CSMD3: variants seen among roughly 807,000 people sequenced by gnomAD.
CSMD3 encodes the protein CUB and Sushi multiple domains 3.
In CSMD3, 177 loss-of-function variants were observed where a neutral mutation model predicts 435.2. The ratio of observed to expected loss-of-function variants is 0.41; its 90% CI spans 0.36 to 0.46. The LOEUF is 0.46. CSMD3 is among the 20% of genes least tolerant of loss of function. The pLI, the probability that CSMD3 is intolerant of heterozygous loss-of-function variation, is 0.34. For synonymous variants in CSMD3, 1,656 were observed against 1,520.5 expected (o/e 1.09, Z -2.07); for missense variants, 4,265 against 4,504.6 (o/e 0.95, Z 1.52).
intron 5 of CSMD3, among the ~76,000 whole-genome samples, chr8:113,021,921 G>A (rs1262539027): frequency 6.6e-6 from 1 of 152,136 alleles, no homozygotes. Context: ...CCTTAGATAA[G>A]CCAAGAAACT....
rs187575537 is a variant in CSMD3, at chr8:112,378,648, G to C, written c.6136+1704C>G. On this transcript the variant is annotated intron_variant, in intron 38 of 70. Transcript: ENST00000297405. Reference sequence around the variant, plus strand: ...AGGTAGAGTAGAATGATGATTACCAGAGGCTGACTTGGAAGGCAGGGATGA... The same window carrying C: ...AGGTAGAGTAGAATGATGATTACCACAGGCTGACTTGGAAGGCAGGGATGA... Among the ~76,000 whole-genome samples the C allele has an allele frequency of 4.1e-4, 63 of 152,280 alleles. 1 individual carries two copies. The highest frequency in any genetic ancestry group is 4.1e-3 in the Admixed American group (62 of 15,276).
At chr8:112,540,661 G>A (rs907424325) in intron 27 of CSMD3, among the ~76,000 whole-genome samples, 3 of 151,936 alleles carry the variant, frequency 2.0e-5, no homozygotes, top group African/African-American at 4.8e-5. Flanking sequence ...ATTATGTTAC[G>A]TGAAATAAGC....
chr8:113,245,526 A>G (rs1366146809), intron 3 of CSMD3, among the ~76,000 whole-genome samples: 1 of 152,086 alleles, frequency 6.6e-6, no homozygotes, highest in African/African-American at 2.4e-5. Flanking sequence ...AAACTTTAAT[A>G]TATGCCATCT....
At chr8:112,665,096 A>G (rs2075488831) in intron 17 of CSMD3, among the ~76,000 whole-genome samples, 2 of 152,150 alleles carry the variant, frequency 1.3e-5, no homozygotes. Flanking sequence ...GTGTCATCCA[A>G]TTACAGAAAC....
intron 10 of CSMD3, among the ~76,000 whole-genome samples, chr8:112,919,897 T>C (rs1410289338): frequency 6.6e-6 from 1 of 151,902 alleles, no homozygotes; most frequent in Non-Finnish European, 1.5e-5. Context: ...TCTCGTATCA[T>C]AGGAATACTT....
At chr8:113,271,063 G>C (rs184545518) in intron 3 of CSMD3, among the ~76,000 whole-genome samples, 28 of 152,160 alleles carry the variant, frequency 1.8e-4, no homozygotes, top group African/African-American at 6.5e-4. Context: ...ATATTTTAGG[G>C]TATCTGGTAG....
chr8:113,403,378 G>A (rs923431696), intron 1 of CSMD3, among the ~76,000 whole-genome samples: 4 of 151,164 alleles, frequency 2.6e-5, no homozygotes, highest in African/African-American at 9.7e-5. Flanking sequence ...ACCATTTTAT[G>A]AGTGACTTTT....
chr8:112,937,799 A>G (rs1455787387), intron 9 of CSMD3, among the ~76,000 whole-genome samples: 3 of 152,174 alleles, frequency 2.0e-5, no homozygotes, highest in Non-Finnish European at 4.4e-5. Flanking sequence ...TAACACAAGA[A>G]GAAGATGACA....
intron 3 of CSMD3, among the ~76,000 whole-genome samples, chr8:113,277,194 A>T (rs1201734251): frequency 2.0e-5 from 3 of 152,000 alleles, no homozygotes; most frequent in Admixed American, 1.3e-4. Context: ...ATACCTTAAA[A>T]TTAAACTTTG....
At chr8:113,189,454 G>T (rs771336333) in intron 3 of CSMD3, among the ~76,000 whole-genome samples, 9 of 151,758 alleles carry the variant, frequency 5.9e-5, no homozygotes, top group Non-Finnish European at 1.3e-4. Flanking sequence ...GATTGAGTGA[G>T]AACTGGAGTT....
chr8:113,075,710 C>A (rs879071744), intron 5 of CSMD3, among the ~76,000 whole-genome samples: 1 of 151,596 alleles, frequency 6.6e-6, no homozygotes, highest in South Asian at 2.1e-4. Flanking sequence ...TCTGTCTCAA[C>A]CTATTTAAAT....
intron 11 of CSMD3, among the ~76,000 whole-genome samples, chr8:112,852,511 T>A (rs1175512616): frequency 6.6e-6 from 1 of 152,184 alleles, no homozygotes; most frequent in Non-Finnish European, 1.5e-5. Context: ...ATTTTATTTT[T>A]ATCAGTGCTT....
At chr8:112,271,319 GAT>G (rs1383745973) in intron 59 of CSMD3, among the ~76,000 whole-genome samples, 1 of 152,118 alleles carries the variant, frequency 6.6e-6, no homozygotes, top group Non-Finnish European at 1.5e-5. Flanking sequence ...ATTAAGAAAT[GAT>G]ATAATTTTGC....
At chr8:112,792,902 C>A (rs1328010636) in intron 13 of CSMD3, among the ~76,000 whole-genome samples, 1 of 151,714 alleles carries the variant, frequency 6.6e-6, no homozygotes, top group Non-Finnish European at 1.5e-5. Context: ...GTGAAAAAAT[C>A]ATTTAAAACA....
intron 3 of CSMD3, among the ~76,000 whole-genome samples, chr8:113,211,397 G>A (rs975154530): frequency 3.3e-5 from 5 of 152,102 alleles, no homozygotes; most frequent in South Asian, 2.1e-4. Context: ...AACAAGGACC[G>A]TAATACCTAA....
Position 113,203,926 on chromosome 8 carries a change from GTT to G in CSMD3, c.515-30012_515-30011del, listed in dbSNP as rs534050593. Among the ~76,000 whole-genome samples, 92 of 152,144 alleles carry G rather than the reference GTT, an allele frequency of 6.0e-4. No homozygotes were observed. The Middle Eastern group carries it at 0.01, about 17-fold the overall frequency. ...ATTTTTAGTTAAATCAATGATGGGT[GTT>G]TATGAATTGGCTCCTTCACTGGAGA... is the stretch of plus-strand genomic sequence containing the variant. On this transcript the variant is annotated intron_variant, in intron 3 of 70. Transcript: ENST00000297405.
At chr8:112,287,770 T>C (rs984215364) in intron 57 of CSMD3, among the ~76,000 whole-genome samples, 3 of 152,066 alleles carry the variant, frequency 2.0e-5, no homozygotes, top group African/African-American at 7.2e-5. Context: ...TCTCTACCAA[T>C]GACCAATGAT....
rs771651948 is a variant in CSMD3 at position 112,292,547 on chromosome 8, A to G, written c.8778T>C (p.Pro2926=). Residue 2926 remains proline, a synonymous_variant, in exon 55 of 71, where the codon CCT becomes CCC. Coordinates refer to ENST00000297405, the MANE Select transcript of CSMD3 (RefSeq NM_198123.2). The part of the protein sequence containing the change: ...QANRQWSHPP[P]MCKVVNCSDP... Reference sequence around the variant, plus strand: ...TACTTAGACATTTACCTTTGCACATAGGTGGAGGATGGCTCCACTGTCTGT... The same window carrying G: ...TACTTAGACATTTACCTTTGCACATGGGTGGAGGATGGCTCCACTGTCTGT... 1 of 1,613,774 alleles carries G rather than the reference A, an allele frequency of 6.2e-7. No homozygotes were observed. Among genetic ancestry groups the G allele is most frequent in the Admixed American group, 1.7e-5 (1 of 59,992 alleles).
chr8:112,637,249 T>G (rs2074687300), intron 21 of CSMD3, among the ~76,000 whole-genome samples: 1 of 152,164 alleles, frequency 6.6e-6, no homozygotes, highest in Non-Finnish European at 1.5e-5. Flanking sequence ...TATCACCTTC[T>G]GAATAATAAA....
Sources: gnomAD v4.1 joint callset for allele counts (sites outside exome capture counted in the v4.1 genomes callset) on GRCh38, gnomAD v4.1.1 for gene constraint, MANE v1.5 for transcripts, NCBI Gene and HGNC (gene_info 2026-07-23, HGNC 2026-07-21) for gene names.